Variants in NBPF15 observed in about 807,000 individuals in gnomAD.
NBPF15 encodes the protein NBPF family member NBPF15.
NBPF15 carries 74 observed loss-of-function variants against 62.2 expected under a neutral mutation model. The ratio of observed to expected loss-of-function variants is 1.19; its 90% CI spans 0.99 to 1.44. The LOEUF is 1.44. Ranked by LOEUF, NBPF15 falls within the 40% of genes most tolerant of loss-of-function variation. NBPF15 has a pLI of 0.00. For synonymous variants in NBPF15, 244 were observed against 209.7 expected, an observed-to-expected ratio of 1.16 and a Z score of -1.41; for missense variants, 790 against 550.0, an observed-to-expected ratio of 1.44 and a Z score of -4.36.
chr1:144,428,958 A>G (rs1347285931), intron 14 of NBPF15, among the ~76,000 whole-genome samples: 2 of 152,042 alleles, frequency 1.3e-5, no homozygotes, highest in Admixed American at 6.6e-5. Context: ...AAATAGTTCT[A>G]ACACCTCATA....
In NBPF15 at chr1:144,426,294, C is replaced by A; in HGVS notation, c.1422G>T (p.Leu474Phe). Residue 474 changes from leucine to phenylalanine, a missense_variant, in exon 18 of 22, where the codon TTG becomes TTT. Leu to Phe is a conservative substitution (Grantham distance 22, BLOSUM62 0). Coordinates refer to ENST00000581897, the MANE Select transcript of NBPF15 (RefSeq NM_001385408.1). ...GGTACTCACTGTCCACGTCAAGAGC[C>A]AAGCCAAGGTACTGTTCCTCCAATG... The part of the protein sequence containing the change: ...VYSLEEQYLG[L>F]ALDVDRIKKD... 2 of 621,962 alleles carry A rather than the reference C, an allele frequency of 3.2e-6. No individual in the cohort carries two copies. The highest frequency in any genetic ancestry group is 2.8e-6 in the Non-Finnish European group (1 of 353,634). 38.5% of individuals were successfully genotyped at this position (621,962 alleles called of 1,614,324 possible).
chr1:144,455,894 A>G (rs1254838308), intron 4 of NBPF15, among the ~76,000 whole-genome samples: 1 of 152,056 alleles, frequency 6.6e-6, no homozygotes, highest in Non-Finnish European at 1.5e-5. Flanking sequence ...CAGTGAAAGA[A>G]GGCATCCACC....
At chr1:144,428,923 A>G (rs1363103388) in intron 14 of NBPF15, among the ~76,000 whole-genome samples, 2 of 151,996 alleles carry the variant, frequency 1.3e-5, no homozygotes, top group Non-Finnish European at 2.9e-5. Context: ...CAAATGAGCA[A>G]TTTTTTCCCC....
intron 9 of NBPF15, 59 bp downstream of exon 9, chr1:144,437,886 G>C: frequency 6.2e-7 from 1 of 1,610,762 alleles, no homozygotes; most frequent in South Asian, 1.1e-5. Context: ...CCACCGAGCT[G>C]CTGTACTTCA....
intron 3 of NBPF15, among the ~76,000 whole-genome samples, chr1:144,457,914 A>T (rs1649324875): frequency 6.6e-6 from 1 of 151,736 alleles, no homozygotes; most frequent in Admixed American, 6.6e-5. Flanking sequence ...CTACAGGAAA[A>T]CCCTGTCTAC....
At chr1:144,450,515 T>A (rs9438132) in intron 5 of NBPF15, among the ~76,000 whole-genome samples, 11,285 of 146,970 alleles carry the variant, frequency 0.077, 1,273 homozygotes, top group African/African-American at 0.25. Flanking sequence ...GCTCTAGGAA[T>A]AAAACACAGC....
intron 12 of NBPF15, among the ~76,000 whole-genome samples, 163 bp downstream of exon 12, chr1:144,434,948 A>T (rs1677111197): frequency 1.3e-5 from 2 of 152,022 alleles, no homozygotes; most frequent in South Asian, 4.2e-4. Flanking sequence ...TGGCAGACAA[A>T]GGCATGACAT....
chr1:144,434,496 A>T lies in NBPF15; in HGVS notation c.772+615T>A, dbSNP rs1474398270. On this transcript the variant is annotated intron_variant, in intron 12 of 21. Coordinates refer to ENST00000581897, the MANE Select transcript of NBPF15 (RefSeq NM_001385408.1). ...AGCCTGGGTGACAGAGCAAGACTCC[A>T]TCGCAAAAAAAAAAAAAAAAAAAAA... 9.6e-3 allele frequency among the ~76,000 whole-genome samples: 1,147 copies of T among 120,028 alleles called. 10 individuals are homozygous for T. Among genetic ancestry groups the T allele is most frequent in the African/African-American group, 0.037 (1,079 of 28,924 alleles). 78.7% of individuals were successfully genotyped at this position (120,028 alleles called of 152,430 possible).
chr1:144,444,968 C>A (rs1686228532), intron 6 of NBPF15, among the ~76,000 whole-genome samples: 1 of 151,664 alleles, frequency 6.6e-6, no homozygotes, highest in South Asian at 2.1e-4. Flanking sequence ...GGAGCCATAC[C>A]ATTTTTCATT....
chr1:144,453,469 A>C (rs1374097868), intron 4 of NBPF15, among the ~76,000 whole-genome samples: 4 of 151,728 alleles, frequency 2.6e-5, no homozygotes, highest in Non-Finnish European at 5.9e-5. Flanking sequence ...AATGAAAAAA[A>C]AATTAAGTTG....
At chr1:144,436,649 C>T (rs1479648433) in intron 10 of NBPF15, among the ~76,000 whole-genome samples, 4 of 152,028 alleles carry the variant, frequency 2.6e-5, no homozygotes, top group African/African-American at 4.8e-5. Flanking sequence ...TAAAACTAGA[C>T]AGATGCTGCC....
intron 5 of NBPF15, among the ~76,000 whole-genome samples, chr1:144,449,812 T>G (rs1689976696): frequency 2.0e-5 from 3 of 151,732 alleles, no homozygotes; most frequent in Non-Finnish European, 4.4e-5. Context: ...ATTCTATGTC[T>G]GTCCCATCAT....
intron 3 of NBPF15, among the ~76,000 whole-genome samples, chr1:144,458,475 T>A: frequency 1.3e-5 from 2 of 150,684 alleles, no homozygotes; most frequent in Admixed American, 1.3e-4. Context: ...CTGACAATCA[T>A]TTATAAATTA....
In NBPF15 at chr1:144,452,600, G is replaced by A. The variant is rs1242977721; in HGVS notation, c.-431-1730C>T. Among the ~76,000 whole-genome samples the A allele has an allele frequency of 3.3e-5, 5 of 150,948 alleles. No individual in the cohort carries two copies. In the South Asian group the frequency reaches 6.4e-4, roughly 19 times the overall value. On this transcript the variant is annotated intron_variant, in intron 4 of 21. Coordinates refer to ENST00000581897, the MANE Select transcript of NBPF15 (RefSeq NM_001385408.1). ...AACTCTGCTGATGGCTGCACAATTC[G>A]ATAAATCAACTTACATCATTGAGTT...
At chr1:144,460,159 C>T (rs1311642488) in intron 2 of NBPF15, among the ~76,000 whole-genome samples, 1 of 113,294 alleles carries the variant, frequency 8.8e-6, no homozygotes, top group Non-Finnish European at 1.7e-5. Context: ...CCTCCCACCT[C>T]AGCCTACCAG....
At chr1:144,451,455 C>A (rs1384983272) in intron 4 of NBPF15, among the ~76,000 whole-genome samples, 1 of 151,366 alleles carries the variant, frequency 6.6e-6, no homozygotes, top group East Asian at 2.0e-4. Flanking sequence ...TTACGGGTGT[C>A]GGGCTGGGGG....
chr1:144,435,579 T>A (rs1421215672), intron 11 of NBPF15, among the ~76,000 whole-genome samples: 2 of 152,028 alleles, frequency 1.3e-5, no homozygotes, highest in Non-Finnish European at 2.9e-5. Context: ...CAGCTATCCC[T>A]GTACGGTGCA....
At position 144,448,125 on chromosome 1, in the gene NBPF15, C is replaced by T. The variant is rs1445149078; in HGVS notation, c.-191+650G>A. 6.6e-5 allele frequency among the ~76,000 whole-genome samples: 10 copies of T among 151,960 alleles called. 1 individual carries two copies. In the East Asian group the frequency reaches 1.9e-3, roughly 29 times the overall value. ...CTTTATCATAAAAGAAATTCTTCAC[C>T]ACAACAATCTCCAATGAATTGTGGG... On this transcript the variant is annotated intron_variant, in intron 6 of 21. Coordinates refer to ENST00000581897, the MANE Select transcript of NBPF15 (RefSeq NM_001385408.1).
chr1:144,423,893 T>C lies in NBPF15; in HGVS notation c.1746A>G (p.Glu582=), dbSNP rs1318037904. The change falls in exon 21 of 22, where the codon GAA becomes GAG. Residue 582 remains glutamate (E), a synonymous_variant. Transcript: ENST00000581897. The part of the protein sequence containing the change: ...KKRRRGRKEG[E]DDNPPCPRLY... ...ACCTGGGGCATGGTGGGTTGTCATC[T>C]TCCCCTTCTTTTCTTCCCCTTCTTC... 1 of 782,888 alleles carries C rather than the reference T, an allele frequency of 1.3e-6. No homozygotes were observed. The highest frequency in any genetic ancestry group is 2.3e-6 in the Non-Finnish European group (1 of 434,222). 48.5% of individuals were successfully genotyped at this position (782,888 alleles called of 1,614,324 possible).
Sources: gnomAD v4.1 joint callset for allele counts (sites outside exome capture counted in the v4.1 genomes callset) on GRCh38, gnomAD v4.1.1 for gene constraint, MANE v1.5 for transcripts, NCBI Gene and HGNC (gene_info 2026-07-23, HGNC 2026-07-21) for gene names.